The following ENPP3 variants were observed in gnomAD, a reference collection of about 807,000 sequenced individuals.
ENPP3 encodes ectonucleotide pyrophosphatase/phosphodiesterase 3, also known as ectonucleotide pyrophosphatase/phosphodiesterase family member 3.
Under a neutral mutation model 117.8 loss-of-function variants are expected in ENPP3, and 104 were observed. That is an observed-to-expected ratio of 0.88 (90% confidence interval 0.75 to 1.04). The LOEUF (loss-of-function observed/expected upper bound fraction) is 1.04. Ranked by LOEUF, ENPP3 falls within the 50% of genes least tolerant of loss-of-function variation. The probability of loss-of-function intolerance (pLI) is 0.00; values close to 1 mark genes in which losing one functional copy is unlikely to be tolerated. For synonymous variants in ENPP3, 380 were observed against 349.9 expected (o/e 1.09, Z -0.96); for missense variants, 1,026 against 1,051.9 (o/e 0.98, Z 0.34).
intron 1 of ENPP3, among the ~76,000 whole-genome samples, chr6:131,637,922 C>G (rs546117518): frequency 6.6e-6 from 1 of 151,218 alleles, no homozygotes; most frequent in East Asian, 1.9e-4. Flanking sequence ...ATCTGCCACC[C>G]CCCCTCACCC....
chr6:131,669,798 A>G (rs1020981246), intron 6 of ENPP3, among the ~76,000 whole-genome samples: 1 of 151,844 alleles, frequency 6.6e-6, no homozygotes, highest in African/African-American at 2.4e-5. Context: ...TTTCTGAAGG[A>G]GGAAATTCCT....
In ENPP3 at chr6:131,652,666, A is replaced by G. The variant is rs150058239; in HGVS notation, c.402A>G (p.Gln134=). ...GTGCTGACTATAAGAGTGTTTGCCAAGGTGAGCAGGAGGATGTTGACTCAT... is the reference window on the plus strand; with the variant it reads ...GTGCTGACTATAAGAGTGTTTGCCAGGGTGAGCAGGAGGATGTTGACTCAT... ...DCCADYKSVC[Q]GETSWLEENC... is the part of the protein sequence containing the mutation. The change falls in exon 4 of 25, where the codon CAA becomes CAG. Residue 134 remains glutamine (Q), a splice_region_variant and synonymous_variant. Transcript: ENST00000357639. 201 of 1,614,016 alleles carry G rather than the reference A, an allele frequency of 1.2e-4. 1 individual carries two copies. Among genetic ancestry groups the G allele is most frequent in the Admixed American group, 2.2e-4 (13 of 59,992 alleles).
chr6:131,700,572 T>G, intron 15 of ENPP3: 10 of 1,456,992 alleles, frequency 6.9e-6, no homozygotes, highest in African/African-American at 2.3e-5. Context: ...AAAGAGGCTG[T>G]GAAACAGCAG....
At chr6:131,709,848 G>T in intron 15 of ENPP3, 1 of 1,600,028 alleles carries the variant, frequency 6.2e-7, no homozygotes, top group Non-Finnish European at 8.5e-7. Flanking sequence ...TTTCTTGATA[G>T]AATTCAGTCA....
intron 9 of ENPP3, among the ~76,000 whole-genome samples, chr6:131,675,735 T>G (rs1181796727): frequency 2.6e-5 from 4 of 152,100 alleles, no homozygotes; most frequent in Non-Finnish European, 4.4e-5. Context: ...CTCTGGAGGC[T>G]GAGGTGGGAG....
At chr6:131,681,519 A>C (rs1379002191) in intron 11 of ENPP3, among the ~76,000 whole-genome samples, 2 of 152,100 alleles carry the variant, frequency 1.3e-5, no homozygotes, top group Admixed American at 6.5e-5. Context: ...GAAAAAAAAA[A>C]ACACAGAAAA....
intron 2 of ENPP3, among the ~76,000 whole-genome samples, chr6:131,649,034 C>T (rs1350612248): frequency 6.6e-6 from 1 of 152,156 alleles, no homozygotes; most frequent in Admixed American, 6.5e-5. Flanking sequence ...TTTTGGAAGT[C>T]ATCCTTGGCT....
At chr6:131,694,970 T>TTTTTTTTTTTTTTTTTTTGAGACGGA (rs1554264575) in intron 15 of ENPP3, among the ~76,000 whole-genome samples, 1 of 151,482 alleles carries the variant, frequency 6.6e-6, no homozygotes, top group African/African-American at 2.4e-5. Flanking sequence ...AAGCCTATTC[T>TTTTTTTTTTTTTTTTTTTGAGACGGA]GTAAGATAAC....
chr6:131,687,949 C>T (rs2114434172), intron 14 of ENPP3, among the ~76,000 whole-genome samples: 1 of 151,578 alleles, frequency 6.6e-6, no homozygotes, highest in Middle Eastern at 3.4e-3. Context: ...CTGCATTGTG[C>T]TTTCTAGATG....
chr6:131,735,110 C>T (rs567750690), intron 21 of ENPP3, among the ~76,000 whole-genome samples: 8 of 151,350 alleles, frequency 5.3e-5, no homozygotes, highest in Non-Finnish European at 7.4e-5. Context: ...TTTGGAAGGT[C>T]GAGGCAGGAA....
At chr6:131,716,106 AC>A (rs1330364245) in intron 15 of ENPP3, among the ~76,000 whole-genome samples, 1 of 152,146 alleles carries the variant, frequency 6.6e-6, no homozygotes, top group Non-Finnish European at 1.5e-5. Context: ...GTGGTAGAGA[AC>A]CCCAGCCTTG....
chr6:131,679,294 C>T (rs1778971003), intron 11 of ENPP3, among the ~76,000 whole-genome samples: 1 of 151,692 alleles, frequency 6.6e-6, no homozygotes, highest in African/African-American at 2.4e-5. Flanking sequence ...AGGGTTTCAC[C>T]ATTTTGGCCA....
chr6:131,640,892 A>G (rs866513678), intron 1 of ENPP3, among the ~76,000 whole-genome samples: 2 of 152,248 alleles, frequency 1.3e-5, no homozygotes, highest in African/African-American at 2.4e-5. Context: ...ATCTTTGGTC[A>G]GGCAGTTTCC....
chr6:131,710,924 G>A lies in ENPP3; in HGVS notation c.1413-7748G>A, dbSNP rs199536433. 1.3e-4 allele frequency: 212 copies of A among 1,592,670 alleles called. 4 individuals are homozygous for A. The highest frequency in any genetic ancestry group is 1.6e-4 in the Non-Finnish European group (192 of 1,178,830). ...GGAAAACCATAAGGATTCTCATCTG[G>A]TCTCATACTCTCAGGTAGTGCTGCC... is the stretch of plus-strand genomic sequence containing the variant. On this transcript the variant is annotated intron_variant, in intron 15 of 24. Transcript: ENST00000357639.
In ENPP3 at chr6:131,652,655, A is replaced by G; in HGVS notation, c.391A>G (p.Ser131Gly). 6.2e-7 allele frequency: 1 copy of G among 1,613,994 alleles called. No individual in the cohort carries two copies. Residue 131 changes from serine to glycine, a missense_variant, in exon 4 of 25, where the codon AGT (serine) becomes GGT (glycine). Coordinates refer to ENST00000357639, the MANE Select transcript of ENPP3 (RefSeq NM_005021.5). Reference sequence around the variant, plus strand: ...GAAAGATTGCTGTGCTGACTATAAGAGTGTTTGCCAAGGTGAGCAGGAGGA... The same window carrying G: ...GAAAGATTGCTGTGCTGACTATAAGGGTGTTTGCCAAGGTGAGCAGGAGGA... ...QRKDCCADYKSVCQGETSWLE... is the reference protein window; with the variant it reads ...QRKDCCADYKGVCQGETSWLE...
intron 20 of ENPP3, among the ~76,000 whole-genome samples, chr6:131,733,299 G>A (rs1780324792): frequency 1.3e-5 from 2 of 152,118 alleles, no homozygotes; most frequent in Non-Finnish European, 2.9e-5. Context: ...AAGGATTTTA[G>A]TTTTTAGGAA....
At chr6:131,701,031 GC>G in intron 15 of ENPP3, 1 of 538,696 alleles carries the variant, frequency 1.9e-6, no homozygotes, top group Non-Finnish European at 3.1e-6. Flanking sequence ...GTGGCAGATG[GC>G]CACGTACAGA....
intron 14 of ENPP3, among the ~76,000 whole-genome samples, chr6:131,687,288 G>A (rs1044959343): frequency 1.3e-5 from 2 of 152,010 alleles, no homozygotes; most frequent in Non-Finnish European, 2.9e-5. Flanking sequence ...CATAATAAAC[G>A]GTGCTGGGAT....
chr6:131,662,752 C>A (rs1778530282), intron 6 of ENPP3, among the ~76,000 whole-genome samples: 1 of 152,052 alleles, frequency 6.6e-6, no homozygotes, highest in South Asian at 2.1e-4. Context: ...ATAAAGATTA[C>A]ATTGAATCTA....
Sources: gnomAD v4.1 joint callset for allele counts (sites outside exome capture counted in the v4.1 genomes callset) on GRCh38, gnomAD v4.1.1 for gene constraint, MANE v1.5 for transcripts, NCBI Gene and HGNC (gene_info 2026-07-23, HGNC 2026-07-21) for gene names.